Variants in RMDN3 observed in about 807,000 individuals in gnomAD.
The protein encoded by RMDN3 is regulator of microtubule dynamics protein 3.
Under a neutral mutation model 61.8 loss-of-function variants are expected in RMDN3, and 41 were observed. The observed-to-expected ratio is 0.66, with a 90% confidence interval of 0.52 to 0.86. The LOEUF is 0.86. Ranked by LOEUF, RMDN3 falls within the 40% of genes least tolerant of loss-of-function variation. RMDN3 has a pLI of 0.00. For synonymous variants in RMDN3, 247 were observed against 232.0 expected, an observed-to-expected ratio of 1.06 and a Z score of -0.59; for missense variants, 557 against 585.3, an observed-to-expected ratio of 0.95 and a Z score of 0.50.
intron 4 of RMDN3, among the ~76,000 whole-genome samples, chr15:40,748,342 C>T (rs761794012): frequency 1.4e-4 from 22 of 152,246 alleles, no homozygotes; most frequent in Non-Finnish European, 2.8e-4. Flanking sequence ...TTCACCACGG[C>T]CACTGCCCTA....
intron 2 of RMDN3, among the ~76,000 whole-genome samples, chr15:40,753,430 T>C (rs1897906446): frequency 6.6e-6 from 1 of 152,040 alleles, no homozygotes; most frequent in Non-Finnish European, 1.5e-5. Context: ...GAGAATCACT[T>C]GAACCCAGGG....
At chr15:40,743,715 C>T (rs2141910299) in intron 6 of RMDN3, among the ~76,000 whole-genome samples, 2 of 152,290 alleles carry the variant, frequency 1.3e-5, no homozygotes, top group South Asian at 4.1e-4. Flanking sequence ...AACCAGATTT[C>T]TAAGCAGCAG....
chr15:40,750,588 T>C (rs780834851), intron 4 of RMDN3, among the ~76,000 whole-genome samples: 3 of 151,698 alleles, frequency 2.0e-5, no homozygotes, highest in Admixed American at 6.6e-5. Flanking sequence ...AGTGCTGGGA[T>C]TACCCATGAG....
At chr15:40,748,819 C>T (rs911948117) in intron 4 of RMDN3, among the ~76,000 whole-genome samples, 8 of 151,620 alleles carry the variant, frequency 5.3e-5, no homozygotes, top group South Asian at 2.1e-4. Context: ...GGGCTGGTCT[C>T]GAACTCCTGA....
chr15:40,753,362 A>T (rs974062070), intron 2 of RMDN3, among the ~76,000 whole-genome samples: 3 of 152,060 alleles, frequency 2.0e-5, no homozygotes, highest in Admixed American at 2.0e-4. Flanking sequence ...AAATACAAAA[A>T]TTAGCTGGGC....
Position 40,737,119 on chromosome 15 carries a change from C to T in RMDN3, c.1359+5G>A. ...TGCCCAACAGGCAGTATTAAAAAGCCTTACCTCCTTCGTGACATCTGGCAG... is the reference window on the plus strand; with the variant it reads ...TGCCCAACAGGCAGTATTAAAAAGCTTTACCTCCTTCGTGACATCTGGCAG... On this transcript the variant is annotated splice_donor_5th_base_variant and intron_variant, in intron 12 of 12. Coordinates refer to ENST00000338376, the MANE Select transcript of RMDN3 (RefSeq NM_018145.3). 6.2e-7 allele frequency: 1 copy of T among 1,613,530 alleles called. No homozygotes were observed. The highest frequency in any genetic ancestry group is 8.5e-7 in the Non-Finnish European group (1 of 1,179,444).
At chr15:40,743,964 G>GT in intron 6 of RMDN3, 83 bp downstream of exon 6, 1 of 1,188,774 alleles carries the variant, frequency 8.4e-7, no homozygotes, top group Non-Finnish European at 1.2e-6. Context: ...CATCTTGGTG[G>GT]TTCCCCGGGT....
chr15:40,736,495 C>G lies in RMDN3; in HGVS notation c.*46G>C, dbSNP rs368450150. ...TAAGGAAAAAAGCCTCCCCGCCCCC[C>G]CACCTTAAATAGTGGCATCAAGTCA... On this transcript the variant is annotated 3_prime_UTR_variant, in exon 13 of 13. Transcript: ENST00000338376. 3.1e-5 allele frequency: 49 copies of G among 1,583,800 alleles called. No homozygotes were observed. Among genetic ancestry groups the G allele is most frequent in the Non-Finnish European group, 3.9e-5 (45 of 1,153,470 alleles).
intron 6 of RMDN3, among the ~76,000 whole-genome samples, chr15:40,742,575 T>A (rs1897324661): frequency 6.6e-6 from 1 of 152,172 alleles, no homozygotes; most frequent in Non-Finnish European, 1.5e-5. Context: ...AGAGATACAA[T>A]GAAATAAACT....
chr15:40,740,029 G>C, intron 7 of RMDN3, 104 bp downstream of exon 7: 1 of 760,410 alleles, frequency 1.3e-6, no homozygotes, highest in South Asian at 1.5e-5. Flanking sequence ...CCCTCTCCTG[G>C]ATCCTTTGGA....
rs1296751724 is a variant in RMDN3 at position 40,735,948 on chromosome 15, C to CATTGTTT, written c.*586_*592dup. 2.6e-5 allele frequency: 4 copies of CATTGTTT among 152,308 alleles called. No individual in the cohort carries two copies. Among genetic ancestry groups the CATTGTTT allele is most frequent in the Non-Finnish European group, 5.9e-5 (4 of 68,046 alleles). The allele number at this position is 152,308 out of a possible 1,614,324, so 9.4% of individuals were successfully genotyped here. A position where few individuals can be genotyped will look rare whatever the true frequency, so the allele number is the denominator to read the frequency against. ...AATATATTCTAGGCAACTTTTCAGA[C>CATTGTTT]ATTGTTTTATAGCATCATAAACCCC... On this transcript the variant is annotated 3_prime_UTR_variant, in exon 13 of 13. Transcript: ENST00000338376.
rs1382189176 is a variant in RMDN3 at position 40,745,220 on chromosome 15, G to C, written c.564C>G (p.Asp188Glu). The C allele has an allele frequency of 3.1e-6, 5 of 1,613,828 alleles. No individual in the cohort carries two copies. In the Admixed American group the frequency reaches 6.7e-5, roughly 22 times the overall value. Residue 188 changes from aspartate to glutamate, a missense_variant, in exon 5 of 13, where the codon GAC (aspartate) becomes GAG (glutamate). Coordinates refer to ENST00000338376, the MANE Select transcript of RMDN3 (RefSeq NM_018145.3). Reference protein sequence around the residue: ...TANAESDNERDSDKESEDGED... With the variant: ...TANAESDNERESDKESEDGED... ...CCCCGTCCTCACTTTCTTTGTCAGA[G>C]TCCCGCTCATTGTCAGACTCCGCAT...
intron 6 of RMDN3, among the ~76,000 whole-genome samples, chr15:40,743,635 A>G (rs1185214288): frequency 6.6e-6 from 1 of 152,190 alleles, no homozygotes; most frequent in African/African-American, 2.4e-5. Context: ...CAGACTTGCC[A>G]AGTGGATTCC....
intron 8 of RMDN3, 117 bp downstream of exon 8, chr15:40,738,381 CAAA>C: frequency 1.2e-6 from 1 of 830,420 alleles, no homozygotes; most frequent in Non-Finnish European, 1.9e-6. Flanking sequence ...GACTCTGTCT[CAAA>C]AAAAAAGAAG....
At chr15:40,740,426 G>A (rs954240432) in intron 6 of RMDN3, among the ~76,000 whole-genome samples, 3 of 152,232 alleles carry the variant, frequency 2.0e-5, no homozygotes, top group East Asian at 1.9e-4. Context: ...CGGGTAGAGC[G>A]CCTGAGGTCA....
Position 40,752,165 on chromosome 15 carries a change from C to A in RMDN3, c.201G>T (p.Arg67=). ...CATCTCCAGCCCCACCTGGGACAGC[C>A]CGCAGGAGCATCACTGAAGGGGGAA... is the stretch of plus-strand genomic sequence containing the variant. ...SDPGRHVMLL[R]AVPGGAGDAS... is the part of the protein sequence containing the mutation. Residue 67 remains arginine, a synonymous_variant, in exon 3 of 13, where the codon CGG becomes CGT. Coordinates refer to ENST00000338376, the MANE Select transcript of RMDN3 (RefSeq NM_018145.3). 1 of 1,613,802 alleles carries A rather than the reference C, an allele frequency of 6.2e-7. No homozygotes were observed. Among genetic ancestry groups the A allele is most frequent in the South Asian group, 1.1e-5 (1 of 91,046 alleles).
chr15:40,741,620 AT>A (rs553262858), intron 6 of RMDN3, among the ~76,000 whole-genome samples: 1,392 of 71,658 alleles, frequency 0.019, 8 homozygotes, highest in South Asian at 0.045. Context: ...GCAACATAGG[AT>A]TTTTTTTTTT....
At chr15:40,754,241 G>A (rs1486851981) in intron 2 of RMDN3, among the ~76,000 whole-genome samples, 1 of 150,014 alleles carries the variant, frequency 6.7e-6, no homozygotes, top group East Asian at 2.0e-4. Context: ...AGCGATTCTC[G>A]TGCCTCAGCC....
chr15:40,743,947 C>T, intron 6 of RMDN3, 100 bp downstream of exon 6: 1 of 971,616 alleles, frequency 1.0e-6, no homozygotes, highest in South Asian at 1.6e-5. Flanking sequence ...GCCACAACTG[C>T]TGACAGCATC....
Sources: allele counts gnomAD v4.1 joint callset (sites outside exome capture counted in the v4.1 genomes callset), GRCh38; gene constraint gnomAD v4.1.1; transcripts MANE v1.5; gene names NCBI Gene and HGNC (gene_info 2026-07-23, HGNC 2026-07-21).